Variants in SCN8A observed in about 807,000 individuals in gnomAD.
SCN8A encodes sodium channel protein type 8 subunit alpha.
In SCN8A, 30 loss-of-function variants were observed where a neutral mutation model predicts 184.1. The observed-to-expected ratio is 0.16, with a 90% CI of 0.12 to 0.22. The LOEUF (loss-of-function observed/expected upper bound fraction) is 0.22. Ranked by LOEUF, SCN8A falls within the 10% of genes least tolerant of loss-of-function variation. The pLI is 1.00. For synonymous variants in SCN8A, 852 were observed against 907.0 expected (o/e 0.94, Z 1.09); for missense variants, 1,057 against 2,498.9 (o/e 0.42, Z 12.30).
At chr12:51,670,000 A>G (rs759931664) in intron 2 of SCN8A, among the ~76,000 whole-genome samples, 2 of 152,230 alleles carry the variant, frequency 1.3e-5, no homozygotes, top group Admixed American at 6.5e-5. Context: ...TAAAAACTAC[A>G]TATTTTAAAA....
At chr12:51,650,666 T>C (rs1030369729) in intron 1 of SCN8A, among the ~76,000 whole-genome samples, 10 of 152,122 alleles carry the variant, frequency 6.6e-5, no homozygotes, top group Non-Finnish European at 2.9e-5. Flanking sequence ...GACATGTTCA[T>C]GATGGCAATA....
At chr12:51,797,661 A>C (rs942309768) in intron 26 of SCN8A, among the ~76,000 whole-genome samples, 3 of 152,172 alleles carry the variant, frequency 2.0e-5, no homozygotes, top group Non-Finnish European at 4.4e-5. Flanking sequence ...TGCTAATACT[A>C]AGAGACGCCC....
intron 14 of SCN8A, among the ~76,000 whole-genome samples, chr12:51,756,245 C>G (rs544747771): frequency 1.5e-4 from 23 of 152,166 alleles, no homozygotes; most frequent in Non-Finnish European, 2.8e-4. Flanking sequence ...AAGTTCTCAC[C>G]TGGCCCATTG....
intron 15 of SCN8A, among the ~76,000 whole-genome samples, chr12:51,763,743 A>G (rs1942796774): frequency 6.6e-6 from 1 of 152,252 alleles, no homozygotes; most frequent in Non-Finnish European, 1.5e-5. Context: ...AAACTGAGTT[A>G]TCCTGGGGGT....
intron 10 of SCN8A, 26 bp from the exon 11 acceptor site, chr12:51,706,396 C>T (rs768922838): frequency 3.3e-5 from 50 of 1,520,620 alleles, no homozygotes; most frequent in Non-Finnish European, 4.3e-5. Flanking sequence ...CCTGGTCTGG[C>T]TTCCCTGCTG....
chr12:51,672,557 G>C (rs1941151775), intron 2 of SCN8A, among the ~76,000 whole-genome samples: 1 of 152,010 alleles, frequency 6.6e-6, no homozygotes, highest in Non-Finnish European at 1.5e-5. Context: ...CATTCTCCCT[G>C]GATGATCTCA....
At chr12:51,758,191 TC>T (rs1942706624) in intron 14 of SCN8A, among the ~76,000 whole-genome samples, 1 of 152,086 alleles carries the variant, frequency 6.6e-6, no homozygotes. Context: ...GACATGCAGC[TC>T]ATCCCTATAA....
intron 13 of SCN8A, 116 bp from the exon 14 acceptor site, chr12:51,751,239 C>T: frequency 2.7e-6 from 2 of 737,618 alleles, no homozygotes; most frequent in South Asian, 3.6e-5. Flanking sequence ...AATGTCAGCG[C>T]TCAAAACAAC....
intron 12 of SCN8A, among the ~76,000 whole-genome samples, chr12:51,731,606 G>A (rs139568582): frequency 3.3e-5 from 5 of 152,178 alleles, no homozygotes; most frequent in Non-Finnish European, 5.9e-5. Context: ...ATTCCGGATC[G>A]TAAGGTAGCT....
chr12:51,610,102 G>A (rs111555535), intron 1 of SCN8A, among the ~76,000 whole-genome samples: 5 of 149,098 alleles, frequency 3.4e-5, no homozygotes, highest in African/African-American at 9.9e-5. Flanking sequence ...CCCAGGAGGC[G>A]GAGGTTGCAG....
chr12:51,682,659 C>T (rs1253029653), intron 2 of SCN8A, among the ~76,000 whole-genome samples: 1 of 152,140 alleles, frequency 6.6e-6, no homozygotes, highest in Non-Finnish European at 1.5e-5. Flanking sequence ...TATGATCATG[C>T]ATTGCTCCAA....
chr12:51,768,829 T>C, intron 16 of SCN8A, 36 bp from the exon 17 acceptor site: 1 of 1,502,380 alleles, frequency 6.7e-7, no homozygotes, highest in South Asian at 1.4e-5. Context: ...ATAACTTTTC[T>C]GCATTTGTTC....
chr12:51,615,861 G>A (rs1452861460), intron 1 of SCN8A, among the ~76,000 whole-genome samples: 2 of 152,020 alleles, frequency 1.3e-5, no homozygotes, highest in Admixed American at 1.3e-4. Flanking sequence ...AGGACTATAG[G>A]TGCATGTCAT....
At chr12:51,695,959 T>C (rs532142527) in intron 6 of SCN8A, among the ~76,000 whole-genome samples, 59 of 152,332 alleles carry the variant, frequency 3.9e-4, no homozygotes, top group African/African-American at 1.2e-3. Context: ...TTTCCACTTA[T>C]GTGGACCTGG....
chr12:51,721,099 A>T (rs1282597922), intron 11 of SCN8A, among the ~76,000 whole-genome samples: 1 of 106,080 alleles, frequency 9.4e-6, no homozygotes, highest in East Asian at 2.8e-4. Flanking sequence ...ATATATATAT[A>T]TATATATAAT....
intron 2 of SCN8A, among the ~76,000 whole-genome samples, chr12:51,664,151 G>A (rs1940982806): frequency 1.3e-5 from 2 of 151,608 alleles, no homozygotes; most frequent in South Asian, 4.2e-4. Flanking sequence ...ATGATGTAAA[G>A]AACGGTAGAT....
chr12:51,766,094 A>AAGTCCTTCTACTGCTT (rs1565916663), intron 16 of SCN8A, 67 bp downstream of exon 16: 1 of 1,252,316 alleles, frequency 8.0e-7, no homozygotes, highest in East Asian at 2.3e-5. Flanking sequence ...CCAGAAGCCC[A>AAGTCCTTCTACTGCTT]AGTCCTTCTA....
At chr12:51,803,996 TAA>T (rs1938623444) in intron 26 of SCN8A, among the ~76,000 whole-genome samples, 1 of 152,226 alleles carries the variant, frequency 6.6e-6, no homozygotes, top group Non-Finnish European at 1.5e-5. Flanking sequence ...AATGTTTCCT[TAA>T]ATTAAATCCC....
At chr12:51,630,235 A>G (rs1940169602) in intron 1 of SCN8A, among the ~76,000 whole-genome samples, 2 of 152,014 alleles carry the variant, frequency 1.3e-5, no homozygotes, top group South Asian at 2.1e-4. Flanking sequence ...TATCTTCCCT[A>G]ACTTAAACTC....
Sources: gnomAD v4.1 joint callset for allele counts (sites outside exome capture counted in the v4.1 genomes callset) on GRCh38, gnomAD v4.1.1 for gene constraint, MANE v1.5 for transcripts, NCBI Gene and HGNC (gene_info 2026-07-23, HGNC 2026-07-21) for gene names.